RAI1: variants seen among roughly 807,000 people sequenced by gnomAD.
The protein encoded by RAI1 is retinoic acid induced 1.
Under a neutral mutation model 123.8 loss-of-function variants are expected in RAI1, and 9 were observed. The observed-to-expected ratio is 0.07, with a 90% CI of 0.04 to 0.13. RAI1 has a LOEUF of 0.13. Among genes scored for constraint, RAI1 ranks in the 10% least tolerant of loss-of-function variants. The pLI is 1.00. For synonymous variants in RAI1, 1,231 were observed against 1,127.3 expected (o/e 1.09, Z -1.84); for missense variants, 2,256 against 2,545.8 (o/e 0.89, Z 2.45).
chr17:17,718,460 C>T (rs1598031789), intron 1 of RAI1, among the ~76,000 whole-genome samples: 2 of 152,120 alleles, frequency 1.3e-5, no homozygotes, highest in East Asian at 1.9e-4. Flanking sequence ...AAGTGCTTGG[C>T]GTTAGAGGGT....
chr17:17,710,628 AGCCCCACCTGGCAGATGT>A (rs1174107527), intron 1 of RAI1, among the ~76,000 whole-genome samples: 1 of 152,136 alleles, frequency 6.6e-6, no homozygotes, highest in Non-Finnish European at 1.5e-5. Flanking sequence ...GGCCTCACCC[AGCCCCACCTGGCAGATGT>A]GCCCCTTGTG....
intron 3 of RAI1, among the ~76,000 whole-genome samples, chr17:17,802,472 G>T (rs2032493427): frequency 6.6e-6 from 1 of 152,222 alleles, no homozygotes. Context: ...GGGACCCACA[G>T]AGGGCTGTTA....
chr17:17,800,208 C>G lies in RAI1; in HGVS notation c.5565+1695C>G, dbSNP rs1453537707. Among the ~76,000 whole-genome samples the G allele has an allele frequency of 5.7e-5, 8 of 140,392 alleles. No homozygotes were observed. The highest frequency in any genetic ancestry group is 9.5e-5 in the Non-Finnish European group (6 of 63,370). The allele number at this position is 140,392 out of a possible 152,430, so 92.1% of individuals were successfully genotyped here. A position where few individuals can be genotyped will look rare whatever the true frequency, so the allele number is the denominator to read the frequency against. ...TCTCTCTCTCTCTCTCTCTCTCTCT[C>G]TCTCTCTCTCTCTCTCTCTCATTAC... On this transcript the variant is annotated intron_variant, in intron 3 of 5. Transcript: ENST00000353383. This position sits in a 1 kb window ranked among gnomAD's most constrained non-coding sequence, Gnocchi z 4.7.
At chr17:17,762,597 A>C (rs1341239582) in intron 2 of RAI1, among the ~76,000 whole-genome samples, 7 of 152,158 alleles carry the variant, frequency 4.6e-5, no homozygotes, top group African/African-American at 1.4e-4. Context: ...GGGCTTCCAG[A>C]GTCTGTGGCA....
intron 2 of RAI1, chr17:17,776,960 G>A (rs1040356105): frequency 6.6e-6 from 1 of 152,016 alleles, no homozygotes; most frequent in Non-Finnish European, 1.5e-5. Flanking sequence ...CACTGCACCC[G>A]GCCCTGTACA....
At chr17:17,693,607 A>G (rs1225922389) in intron 1 of RAI1, among the ~76,000 whole-genome samples, 2 of 152,228 alleles carry the variant, frequency 1.3e-5, no homozygotes, top group African/African-American at 4.8e-5. Flanking sequence ...CGCTTGCTGC[A>G]ATGGCCGCCC....
intron 1 of RAI1, among the ~76,000 whole-genome samples, chr17:17,693,129 ATCTGCCCAGGGTGGGCACTGAGGG>A: frequency 6.6e-6 from 1 of 152,230 alleles, no homozygotes; most frequent in Non-Finnish European, 1.5e-5. Context: ...ATGCAGAGGC[ATCTGCCCAGGGTGGGCACTGAGGG>A]CATCCACCAT....
In RAI1 at chr17:17,738,675, C is replaced by G. The variant is rs1403760304; in HGVS notation, c.-17+14516C>G. Among the ~76,000 whole-genome samples, 8 of 152,360 alleles carry G rather than the reference C, an allele frequency of 5.3e-5. No individual in the cohort carries two copies. In the East Asian group the frequency reaches 7.7e-4, roughly 15 times the overall value. On this transcript the variant is annotated intron_variant, in intron 2 of 5. Coordinates refer to ENST00000353383, the MANE Select transcript of RAI1 (RefSeq NM_030665.4). ...AAACGTAGCAACTGCCAGCTTGCAGCTGTGTGTGTCTGAGCTCAGGCAACC... is the reference window on the plus strand; with the variant it reads ...AAACGTAGCAACTGCCAGCTTGCAGGTGTGTGTGTCTGAGCTCAGGCAACC...
At position 17,809,378 on chromosome 17, in the gene RAI1, C is replaced by T; in HGVS notation, c.5660-12C>T. Reference sequence around the variant, plus strand: ...CCCTGTCCTAACCACCGAAACTTCTCTTTGGTCACAGGTTGCATATTCATC... The same window carrying T: ...CCCTGTCCTAACCACCGAAACTTCTTTTTGGTCACAGGTTGCATATTCATC... On this transcript the variant is annotated splice_polypyrimidine_tract_variant and intron_variant, in intron 4 of 5. Coordinates refer to ENST00000353383, the MANE Select transcript of RAI1 (RefSeq NM_030665.4). This position sits in a 1 kb window ranked among gnomAD's most constrained non-coding sequence, Gnocchi z 4.9. The T allele has an allele frequency of 6.2e-7, 1 of 1,604,116 alleles. No homozygotes were observed. Among genetic ancestry groups the T allele is most frequent in the Non-Finnish European group, 8.5e-7 (1 of 1,171,008 alleles).
intron 1 of RAI1, among the ~76,000 whole-genome samples, chr17:17,696,120 A>G (rs894521536): frequency 6.6e-6 from 1 of 152,248 alleles, no homozygotes; most frequent in Non-Finnish European, 1.5e-5. Context: ...TTGTAGAGAT[A>G]TCCAAAAATA....
chr17:17,734,279 A>AT (rs5819622), intron 2 of RAI1, among the ~76,000 whole-genome samples: 40 of 148,458 alleles, frequency 2.7e-4, no homozygotes, highest in Middle Eastern at 3.5e-3. Flanking sequence ...TCTCTCTACA[A>AT]TTTTTTTTTT....
rs1302022122 is a variant in RAI1, at chr17:17,798,256, C to T, written c.5308C>T (p.Arg1770Cys). ...TGACCCGGCCAAGCAGGGCCCACTG[C>T]GCACCAGTGCCCGGGGCCTGTCCCG... ...PADPAKQGPL[R>C]TSARGLSRRL... The change falls in exon 3 of 6, where the codon CGC (arginine) becomes TGC (cysteine). Residue 1770 changes from arginine to cysteine, a missense_variant. By Grantham distance (180) the Arg-to-Cys change is radical (BLOSUM62 -3). Transcript: ENST00000353383. The T allele has an allele frequency of 6.2e-7, 1 of 1,605,072 alleles. No individual in the cohort carries two copies. The highest frequency in any genetic ancestry group is 8.5e-7 in the Non-Finnish European group (1 of 1,175,698).
Position 17,810,855 on chromosome 17 carries a change from C to G in RAI1, c.*874C>G, listed in dbSNP as rs898417830. ...ACCACCAGGGACCGCCGCGCCTACT[C>G]TGCACGGGAGCAGGGACAGCGCTAG... On this transcript the variant is annotated 3_prime_UTR_variant, in exon 6 of 6. Coordinates refer to ENST00000353383, the MANE Select transcript of RAI1 (RefSeq NM_030665.4). The surrounding 1 kb of genome is among the most constrained non-coding windows in gnomAD (Gnocchi z 4.6). 8.9e-6 allele frequency: 4 copies of G among 449,272 alleles called. No individual in the cohort carries two copies. The highest frequency in any genetic ancestry group is 1.8e-5 in the Non-Finnish European group (4 of 221,470). The allele number at this position is 449,272 out of a possible 1,614,324, so 27.8% of individuals were successfully genotyped here.
In RAI1 at chr17:17,685,595, G is replaced by A. The variant is rs1308807220; in HGVS notation, c.-149+3802G>A. 1.4e-4 allele frequency among the ~76,000 whole-genome samples: 21 copies of A among 152,250 alleles called. No homozygotes were observed. Among genetic ancestry groups the A allele is most frequent in the Admixed American group, 1.4e-3 (21 of 15,292 alleles). On this transcript the variant is annotated intron_variant, in intron 1 of 5. Transcript: ENST00000353383. This position sits in a 1 kb window ranked among gnomAD's most constrained non-coding sequence, Gnocchi z 4.0. ...TGGCTCAGAAAGAATGGTGGCGGAA[G>A]AGGTTGGGCTGTTGCTGGGACCTCC... is the stretch of plus-strand genomic sequence containing the variant.
At chr17:17,723,961 T>TG (rs1915982313) in intron 1 of RAI1, 67 bp from the exon 2 acceptor site, 1 of 135,786 alleles carries the variant, frequency 7.4e-6, no homozygotes, top group African/African-American at 2.7e-5. Flanking sequence ...GGAGCGAGCC[T>TG]GGGGCCGTTG....
chr17:17,713,668 A>T (rs1359206026), intron 1 of RAI1, among the ~76,000 whole-genome samples: 2 of 152,238 alleles, frequency 1.3e-5, no homozygotes, highest in Non-Finnish European at 2.9e-5. Context: ...ATAAAATTTT[A>T]AAAAGATTGT....
chr17:17,785,282 C>T (rs962943654), intron 2 of RAI1, among the ~76,000 whole-genome samples: 1 of 152,212 alleles, frequency 6.6e-6, no homozygotes, highest in Non-Finnish European at 1.5e-5. Flanking sequence ...ATCCTCAAAC[C>T]TGTCTCTGGG....
At chr17:17,807,854 C>T (rs558474972) in intron 4 of RAI1, among the ~76,000 whole-genome samples, 374 of 152,336 alleles carry the variant, frequency 2.5e-3, no homozygotes, top group Non-Finnish European at 4.1e-3. Flanking sequence ...GGGGAACAGC[C>T]GTGGCACATC....
intron 1 of RAI1, among the ~76,000 whole-genome samples, chr17:17,700,765 C>G (rs1598020388): frequency 6.6e-6 from 1 of 152,256 alleles, no homozygotes; most frequent in Non-Finnish European, 1.5e-5. Flanking sequence ...CCTGCCTCGG[C>G]GGAGATCCGC....
Sources: gnomAD v4.1 joint callset for allele counts (sites outside exome capture counted in the v4.1 genomes callset) on GRCh38, gnomAD v4.1.1 for gene constraint, Gnocchi (gnomAD v3.1) non-coding constraint, MANE v1.5 for transcripts, NCBI Gene and HGNC (gene_info 2026-07-23, HGNC 2026-07-21) for gene names.